PLCZ1: variants seen among roughly 807,000 people sequenced by gnomAD.
PLCZ1 encodes 1-phosphatidylinositol 4,5-bisphosphate phosphodiesterase zeta-1.
In PLCZ1, 64 loss-of-function variants were observed where a neutral mutation model predicts 76.8. The observed-to-expected ratio is 0.83, with a 90% confidence interval of 0.68 to 1.03. The LOEUF (loss-of-function observed/expected upper bound fraction) is 1.03, where lower values mean the gene tolerates loss of function less well. Among genes scored for constraint, PLCZ1 ranks in the 50% least tolerant of loss-of-function variants. The pLI, the probability that PLCZ1 is intolerant of heterozygous loss-of-function variation, is 0.00. For synonymous variants in PLCZ1, 248 were observed against 230.8 expected, an observed-to-expected ratio of 1.07 and a Z score of -0.68; for missense variants, 751 against 713.7, an observed-to-expected ratio of 1.05 and a Z score of -0.60.
At chr12:18,687,427 C>G (rs554417249) in intron 13 of PLCZ1, among the ~76,000 whole-genome samples, 1 of 152,260 alleles carries the variant, frequency 6.6e-6, no homozygotes, top group South Asian at 2.1e-4. Context: ...TCAAGGTGAT[C>G]CTGACCAGGG....
At chr12:18,711,887 C>T (rs1052543672) in intron 6 of PLCZ1, among the ~76,000 whole-genome samples, 1 of 151,954 alleles carries the variant, frequency 6.6e-6, no homozygotes, top group Admixed American at 6.6e-5. Context: ...CAGTGCCATA[C>T]TCTCAATGTT....
At chr12:18,707,177 A>G (rs549340487) in intron 6 of PLCZ1, among the ~76,000 whole-genome samples, 1 of 152,262 alleles carries the variant, frequency 6.6e-6, no homozygotes, top group East Asian at 1.9e-4. Flanking sequence ...TACATCTACA[A>G]AGACACTTTT....
chr12:18,729,763 G>T (rs11044270), intron 3 of PLCZ1, among the ~76,000 whole-genome samples: 33,128 of 151,850 alleles, frequency 0.22, 3,788 homozygotes, highest in East Asian at 0.3. Flanking sequence ...TTAGAGAATT[G>T]CTGCTCAAGC....
At chr12:18,695,351 A>T (rs890957534) in intron 11 of PLCZ1, among the ~76,000 whole-genome samples, 1 of 152,320 alleles carries the variant, frequency 6.6e-6, no homozygotes, top group Non-Finnish European at 1.5e-5. Flanking sequence ...AGATTACAGA[A>T]TAACAATGTT....
At chr12:18,700,512 C>CAAAAAAAA (rs11324526) in intron 9 of PLCZ1, among the ~76,000 whole-genome samples, 4,410 of 67,886 alleles carry the variant, frequency 0.065, 979 homozygotes, top group South Asian at 0.12. Context: ...AGCCAACGTA[C>CAAAAAAAA]AAAAAAAAAA....
At chr12:18,664,321 A>T in the PLCZ1 span, among the ~76,000 whole-genome samples, 1 of 152,190 alleles carries the variant, frequency 6.6e-6, no homozygotes, top group African/African-American at 2.4e-5. Flanking sequence ...ATATTTGTAC[A>T]TCCATGTTTA....
chr12:18,656,754 GACA>G, the PLCZ1 span, among the ~76,000 whole-genome samples: 123,046 of 151,620 alleles, frequency 0.81, 50,075 homozygotes, highest in African/African-American at 0.85. Context: ...CAACAACAAC[GACA>G]ACAACAACAA....
chr12:18,676,494 C>A, the PLCZ1 span, among the ~76,000 whole-genome samples: 1 of 152,080 alleles, frequency 6.6e-6, no homozygotes, highest in Admixed American at 6.6e-5. Context: ...GTACTCTCAA[C>A]CACCTGAGGA....
chr12:18,652,202 A>C, the PLCZ1 span, among the ~76,000 whole-genome samples: 1 of 152,156 alleles, frequency 6.6e-6, no homozygotes, highest in East Asian at 1.9e-4. Context: ...TAATTATTTA[A>C]GATGAGGTCA....
intron 12 of PLCZ1, among the ~76,000 whole-genome samples, chr12:18,691,588 C>T (rs1954092930): frequency 6.6e-6 from 1 of 152,098 alleles, no homozygotes. Flanking sequence ...AAAGGAGAGT[C>T]CAGTCCCAGA....
the PLCZ1 span, among the ~76,000 whole-genome samples, chr12:18,657,934 AC>A: frequency 6.6e-6 from 1 of 152,276 alleles, no homozygotes; most frequent in East Asian, 1.9e-4. Context: ...GAAACCACAT[AC>A]AAAGAACTGA....
In PLCZ1 at chr12:18,684,103, C is replaced by T. The variant is rs542304051; in HGVS notation, c.1741+27G>A. 5.6e-6 allele frequency: 9 copies of T among 1,607,640 alleles called. No homozygotes were observed. In the Admixed American group the frequency reaches 1.0e-4, roughly 18 times the overall value. Reference sequence around the variant, plus strand: ...CACAAGTTATATTTAAATGCTGGTACAATCATCTAACTTTTAGGGACATTA... The same window carrying T: ...CACAAGTTATATTTAAATGCTGGTATAATCATCTAACTTTTAGGGACATTA... On this transcript the variant is annotated intron_variant, in intron 14 of 14. Transcript: ENST00000266505.
At chr12:18,710,375 T>C (rs1310698096) in intron 6 of PLCZ1, among the ~76,000 whole-genome samples, 1 of 151,902 alleles carries the variant, frequency 6.6e-6, no homozygotes, top group East Asian at 1.9e-4. Context: ...CCTTGAGATA[T>C]GTCTGAAAAG....
chr12:18,695,962 C>G (rs988441753), intron 11 of PLCZ1, among the ~76,000 whole-genome samples, 188 bp downstream of exon 11: 1 of 151,982 alleles, frequency 6.6e-6, no homozygotes, highest in Non-Finnish European at 1.5e-5. Context: ...GAGATTTACC[C>G]CGCTTCAACC....
the PLCZ1 span, among the ~76,000 whole-genome samples, chr12:18,652,984 G>T: frequency 6.6e-6 from 1 of 152,008 alleles, no homozygotes; most frequent in East Asian, 1.9e-4. Flanking sequence ...GTGAGGATGA[G>T]GGAGCTGGAA....
chr12:18,650,347 A>ATATATATGTGTG, the PLCZ1 span, among the ~76,000 whole-genome samples: 1 of 114,544 alleles, frequency 8.7e-6, no homozygotes, highest in Non-Finnish European at 1.8e-5. Flanking sequence ...ATATATATAT[A>ATATATATGTGTG]TGTGTGTGTG....
intron 13 of PLCZ1, among the ~76,000 whole-genome samples, chr12:18,686,951 T>C (rs942745523): frequency 1.3e-5 from 2 of 151,980 alleles, no homozygotes; most frequent in African/African-American, 2.4e-5. Context: ...AAGGGGTGCA[T>C]TGAATAAATT....
chr12:18,695,141 A>G, intron 11 of PLCZ1, 62 bp from the exon 12 acceptor site: 1 of 1,479,408 alleles, frequency 6.8e-7, no homozygotes, highest in Non-Finnish European at 9.4e-7. Context: ...AGGAACACAA[A>G]CCACTTACTG....
intron 14 of PLCZ1, chr12:18,683,746 GA>G: frequency 1.5e-6 from 1 of 683,552 alleles, no homozygotes; most frequent in Non-Finnish European, 2.3e-6. Context: ...GTCAGGAAAG[GA>G]TAGTCTCAGG....
Sources: gnomAD v4.1 joint callset for allele counts (sites outside exome capture counted in the v4.1 genomes callset) on GRCh38, gnomAD v4.1.1 for gene constraint, MANE v1.5 for transcripts, NCBI Gene and HGNC (gene_info 2026-07-23, HGNC 2026-07-21) for gene names.